The following ADARB2 variants were observed in gnomAD, a reference collection of about 807,000 sequenced individuals.
ADARB2 encodes inactive double-stranded RNA-specific editase B2.
In ADARB2, 25 loss-of-function variants were observed where a neutral mutation model predicts 62.2. That is an observed-to-expected ratio of 0.40 (90% CI 0.29 to 0.56). The LOEUF is 0.56. ADARB2 is among the 20% of genes least tolerant of loss of function. The pLI, the probability that ADARB2 is intolerant of heterozygous loss-of-function variation, is 0.43. For missense variants in ADARB2, 1,071 were observed against 1,077.4 expected (o/e 0.99, Z 0.08); for synonymous variants, 572 against 500.8 (o/e 1.14, Z -1.90).
At chr10:1,625,780 C>A (rs1833758051) in intron 1 of ADARB2, among the ~76,000 whole-genome samples, 1 of 144,310 alleles carries the variant, frequency 6.9e-6, no homozygotes, top group African/African-American at 2.6e-5. Context: ...CCTGCCCGAC[C>A]CCTCTCACCC....
intron 1 of ADARB2, among the ~76,000 whole-genome samples, chr10:1,711,428 C>T (rs975787826): frequency 1.3e-5 from 2 of 152,208 alleles, no homozygotes; most frequent in Admixed American, 1.3e-4. Context: ...ATCCTAGGAA[C>T]ACCACCATAG....
intron 1 of ADARB2, among the ~76,000 whole-genome samples, chr10:1,389,996 T>A (rs1432663238): frequency 6.6e-6 from 1 of 152,068 alleles, no homozygotes; most frequent in Non-Finnish European, 1.5e-5. Flanking sequence ...AAGACTCACA[T>A]AGGGATATTT....
intron 1 of ADARB2, among the ~76,000 whole-genome samples, chr10:1,572,569 A>G (rs1384084907): frequency 6.6e-6 from 1 of 152,188 alleles, no homozygotes; most frequent in Non-Finnish European, 1.5e-5. Context: ...CACTTATAAA[A>G]TGGAAGGACC....
chr10:1,507,358 A>G (rs752167811), intron 1 of ADARB2, among the ~76,000 whole-genome samples: 1 of 152,200 alleles, frequency 6.6e-6, no homozygotes, highest in Admixed American at 6.5e-5. Flanking sequence ...AGAGGCTGGC[A>G]TGAGCCTTGG....
chr10:1,378,426 G>C (rs1272523599), intron 2 of ADARB2, among the ~76,000 whole-genome samples: 1 of 152,208 alleles, frequency 6.6e-6, no homozygotes, highest in Non-Finnish European at 1.5e-5. Context: ...AAGGAGAGGA[G>C]AGAATAGTCC....
chr10:1,699,291 ATCCC>A (rs767525224), intron 1 of ADARB2, among the ~76,000 whole-genome samples: 21,425 of 45,740 alleles, frequency 0.47, 9,925 homozygotes, highest in Non-Finnish European at 0.53. Context: ...AATACACGCA[ATCCC>A]ACTCCACCGG....
chr10:1,483,239 A>G (rs1312512225), intron 1 of ADARB2, among the ~76,000 whole-genome samples: 5 of 152,262 alleles, frequency 3.3e-5, no homozygotes, highest in Admixed American at 6.5e-5. Context: ...TGAGAATAAT[A>G]GTACATTTCA....
chr10:1,637,774 T>G (rs555761878), intron 1 of ADARB2, among the ~76,000 whole-genome samples: 3 of 152,248 alleles, frequency 2.0e-5, no homozygotes, highest in Non-Finnish European at 4.4e-5. Context: ...CAAGTTAATG[T>G]GTCTGCGTGG....
At chr10:1,565,878 T>C (rs1290536372) in intron 1 of ADARB2, among the ~76,000 whole-genome samples, 1 of 152,140 alleles carries the variant, frequency 6.6e-6, no homozygotes, top group Non-Finnish European at 1.5e-5. Flanking sequence ...CAGCATTGCC[T>C]GCTCTGGTCC....
At chr10:1,540,528 G>A (rs1308780633) in intron 1 of ADARB2, among the ~76,000 whole-genome samples, 2 of 111,824 alleles carry the variant, frequency 1.8e-5, no homozygotes, top group African/African-American at 7.2e-5. Flanking sequence ...CCACTCAGAC[G>A]TAGTTCAGAC....
intron 3 of ADARB2, among the ~76,000 whole-genome samples, chr10:1,293,411 C>T (rs1831495629): frequency 1.7e-5 from 1 of 57,424 alleles, no homozygotes; most frequent in Non-Finnish European, 4.5e-5. Context: ...TTCATGTGGT[C>T]TGTTTTAGCC....
intron 6 of ADARB2, among the ~76,000 whole-genome samples, chr10:1,232,165 AGCACACACACC>A (rs375278527): frequency 0.042 from 6,439 of 151,870 alleles, 432 homozygotes; most frequent in African/African-American, 0.14. Context: ...CCACACACAT[AGCACACACACC>A]GCACACACAC....
At chr10:1,367,398 G>A (rs1832322976) in intron 2 of ADARB2, among the ~76,000 whole-genome samples, 1 of 152,192 alleles carries the variant, frequency 6.6e-6, no homozygotes, top group Non-Finnish European at 1.5e-5. Flanking sequence ...GTTTGGGGAG[G>A]TAATTTTGTT....
chr10:1,481,210 C>A (rs1454058292), intron 1 of ADARB2, among the ~76,000 whole-genome samples: 1 of 152,176 alleles, frequency 6.6e-6, no homozygotes, highest in African/African-American at 2.4e-5. Context: ...CTAGTCAATG[C>A]AGAAAGGATA....
At chr10:1,202,271 AG>A (rs1836996544) in intron 7 of ADARB2, among the ~76,000 whole-genome samples, 1 of 151,780 alleles carries the variant, frequency 6.6e-6, no homozygotes, top group African/African-American at 2.4e-5. Flanking sequence ...TTTTTTAGAC[AG>A]GGTCTCACTC....
At chr10:1,227,027 C>T (rs1241619662) in intron 6 of ADARB2, among the ~76,000 whole-genome samples, 3 of 152,274 alleles carry the variant, frequency 2.0e-5, no homozygotes, top group Admixed American at 1.3e-4. Context: ...AGGCAGGCCT[C>T]CTTAAGCTGT....
At chr10:1,582,778 C>T in intron 1 of ADARB2, among the ~76,000 whole-genome samples, 1 of 152,184 alleles carries the variant, frequency 6.6e-6, no homozygotes, top group East Asian at 1.9e-4. Flanking sequence ...CACAGGGAAG[C>T]ATGGTTTTCA....
At chr10:1,586,913 C>T (rs1771639969) in intron 1 of ADARB2, among the ~76,000 whole-genome samples, 1 of 152,086 alleles carries the variant, frequency 6.6e-6, no homozygotes, top group Non-Finnish European at 1.5e-5. Flanking sequence ...GTAATGAAAT[C>T]AATATATAAG....
At chr10:1,619,297 AAAAAAAAAAAAG>A (rs1564349131) in intron 1 of ADARB2, among the ~76,000 whole-genome samples, 8 of 141,648 alleles carry the variant, frequency 5.6e-5, no homozygotes, top group Admixed American at 1.5e-4. Flanking sequence ...AGTAAAAAAA[AAAAAAAAAAAAG>A]AAAAAATACG....
Sources: gnomAD v4.1 joint callset for allele counts (sites outside exome capture counted in the v4.1 genomes callset) on GRCh38, gnomAD v4.1.1 for gene constraint, MANE v1.5 for transcripts, NCBI Gene and HGNC (gene_info 2026-07-23, HGNC 2026-07-21) for gene names.